Variants in EFEMP1 observed in about 807,000 individuals in gnomAD.
The protein encoded by EFEMP1 is EGF-containing fibulin-like extracellular matrix protein 1.
Under a neutral mutation model 65.7 loss-of-function variants are expected in EFEMP1, and 18 were observed. The ratio of observed to expected loss-of-function variants is 0.27; its 90% CI spans 0.19 to 0.41. The LOEUF (loss-of-function observed/expected upper bound fraction) is 0.41, where lower values mean the gene tolerates loss of function less well. Among genes scored for constraint, EFEMP1 ranks in the 10% least tolerant of loss-of-function variants. EFEMP1 has a pLI of 1.00. For synonymous variants in EFEMP1, 237 were observed against 219.7 expected, an observed-to-expected ratio of 1.08 and a Z score of -0.70; for missense variants, 469 against 624.8, an observed-to-expected ratio of 0.75 and a Z score of 2.66.
rs1261963723 is a variant in EFEMP1 at position 55,886,152 on chromosome 2, A to G, written c.518-4418T>C. Reference sequence around the variant, plus strand: ...ATGCACTAGTAATAGGACAAAGAAGACTGAAATTATTTTGAATCTGTCACT... The same window carrying G: ...ATGCACTAGTAATAGGACAAAGAAGGCTGAAATTATTTTGAATCTGTCACT... On this transcript the variant is annotated intron_variant, in intron 5 of 11. Coordinates refer to ENST00000355426, the MANE Select transcript of EFEMP1 (RefSeq NM_001039348.3). The surrounding 1 kb of genome is among the most constrained non-coding windows in gnomAD (Gnocchi z 4.0). Among the ~76,000 whole-genome samples the G allele has an allele frequency of 1.3e-5, 2 of 152,196 alleles. No individual in the cohort carries two copies. Among genetic ancestry groups the G allele is most frequent in the African/African-American group, 2.4e-5 (1 of 41,448 alleles).
At chr2:55,918,476 C>T (rs1430792058) in intron 3 of EFEMP1, among the ~76,000 whole-genome samples, 1 of 152,112 alleles carries the variant, frequency 6.6e-6, no homozygotes, top group East Asian at 1.9e-4. Context: ...CCATTCTCAA[C>T]CATCAGCTGC....
Position 55,870,599 on chromosome 2 carries a change from T to C in EFEMP1, c.1320+121A>G. Reference sequence around the variant, plus strand: ...GAAGGCCTTACACAATGCCTACACATAAGACACTTTAAATGTTTGCTTTCC... The same window carrying C: ...GAAGGCCTTACACAATGCCTACACACAAGACACTTTAAATGTTTGCTTTCC... On this transcript the variant is annotated intron_variant, in intron 11 of 11. Transcript: ENST00000355426. This position sits in a 1 kb window ranked among gnomAD's most constrained non-coding sequence, Gnocchi z 5.8. 1 of 1,232,402 alleles carries C rather than the reference T, an allele frequency of 8.1e-7. No homozygotes were observed. Among genetic ancestry groups the C allele is most frequent in the Non-Finnish European group, 1.2e-6 (1 of 852,866 alleles). The allele number at this position is 1,232,402 out of a possible 1,614,324, so 76.3% of individuals were successfully genotyped here.
intron 8 of EFEMP1, 130 bp downstream of exon 8, chr2:55,876,493 C>T (rs1669039937): frequency 7.4e-7 from 1 of 1,355,858 alleles, no homozygotes. Context: ...AACTGAACTA[C>T]ATTAACTGGA....
chr2:55,903,876 T>A (rs1374820963), intron 5 of EFEMP1, among the ~76,000 whole-genome samples: 1 of 152,154 alleles, frequency 6.6e-6, no homozygotes, highest in East Asian at 1.9e-4. Context: ...CTACTTTTGA[T>A]TGGTATAGTC....
In EFEMP1 at chr2:55,917,843, C is replaced by A. The variant is rs200070678; in HGVS notation, c.339G>T (p.Leu113Phe). ...AASSMATSGV[L>F]PGGGFVASAA... Reference sequence around the variant, plus strand: ...CACTGGCCACAAAACCACCCCCGGGCAACACTCCACTGGTTGCCATGCTGC... The same window carrying A: ...CACTGGCCACAAAACCACCCCCGGGAAACACTCCACTGGTTGCCATGCTGC... Residue 113 changes from leucine (L) to phenylalanine (F), a missense_variant, in exon 5 of 12, where the codon TTG becomes TTT. By Grantham distance (22) the Leu-to-Phe change is conservative (BLOSUM62 0). This residue lies in a region of EFEMP1 where 399 missense variants were observed against 528.2 expected (regional missense o/e 0.76). Coordinates refer to ENST00000355426, the MANE Select transcript of EFEMP1 (RefSeq NM_001039348.3). The surrounding 1 kb of genome is among the most constrained non-coding windows in gnomAD (Gnocchi z 6.3). The A allele has an allele frequency of 4.3e-6, 7 of 1,614,134 alleles. No individual in the cohort carries two copies. Among genetic ancestry groups the A allele is most frequent in the African/African-American group, 1.3e-5 (1 of 74,944 alleles).
chr2:55,904,052 G>C (rs564982451), intron 5 of EFEMP1, among the ~76,000 whole-genome samples: 89 of 152,158 alleles, frequency 5.8e-4, no homozygotes, highest in African/African-American at 2.1e-3. Flanking sequence ...TGTTTGCTCC[G>C]TTTTTGCTTT....
chr2:55,914,959 G>T (rs1246492549), intron 5 of EFEMP1, among the ~76,000 whole-genome samples: 2 of 152,186 alleles, frequency 1.3e-5, no homozygotes, highest in African/African-American at 2.4e-5. Flanking sequence ...TCATACATCT[G>T]CAGGCAATTA....
intron 5 of EFEMP1, among the ~76,000 whole-genome samples, chr2:55,894,235 A>G (rs1669732777): frequency 6.6e-6 from 1 of 152,248 alleles, no homozygotes; most frequent in African/African-American, 2.4e-5. Context: ...AGTTCTAGCT[A>G]TGAAAAAGAT....
intron 5 of EFEMP1, among the ~76,000 whole-genome samples, chr2:55,914,512 T>C (rs1271706749): frequency 6.6e-6 from 1 of 152,204 alleles, no homozygotes; most frequent in African/African-American, 2.4e-5. Context: ...TCTAGTGGTA[T>C]TATTTAAATT....
rs970259489 is a variant in EFEMP1 at position 55,866,965 on chromosome 2, C to T, written c.*108G>A. The T allele has an allele frequency of 7.3e-7, 1 of 1,363,344 alleles. No individual in the cohort carries two copies. The highest frequency in any genetic ancestry group is 1.0e-6 in the Non-Finnish European group (1 of 964,530). 84.5% of individuals were successfully genotyped at this position (1,363,344 alleles called of 1,614,324 possible). A position where few individuals can be genotyped will look rare whatever the true frequency, so the allele number is the denominator to read the frequency against. On this transcript the variant is annotated 3_prime_UTR_variant, in exon 12 of 12. Coordinates refer to ENST00000355426, the MANE Select transcript of EFEMP1 (RefSeq NM_001039348.3). ...ATTGTTTGAATTATGGGTGAGTGTA[C>T]AGTATAGAGATGTAGATGCACTAGA...
At chr2:55,889,896 G>A (rs977654711) in intron 5 of EFEMP1, among the ~76,000 whole-genome samples, 1 of 151,378 alleles carries the variant, frequency 6.6e-6, no homozygotes, top group Admixed American at 6.6e-5. Flanking sequence ...CATCAATTTA[G>A]GAAGAAGGTA....
chr2:55,918,100 C>G (rs1670774478), intron 4 of EFEMP1, 49 bp from the exon 5 acceptor site: 2 of 1,613,826 alleles, frequency 1.2e-6, no homozygotes, highest in African/African-American at 1.3e-5. Context: ...AGGGAAAAAT[C>G]AAACATGTAA....
chr2:55,913,604 C>CTTT (rs5831387), intron 5 of EFEMP1, among the ~76,000 whole-genome samples: 1 of 147,518 alleles, frequency 6.8e-6, no homozygotes, highest in South Asian at 2.1e-4. Context: ...TCCCAAATGA[C>CTTT]TTTTTTTTTT....
Position 55,917,809 on chromosome 2 carries a change from C to G in EFEMP1, c.373G>C (p.Val125Leu). ...CCAGTCTGCATTTCAGGGCCTGCGA[C>G]TGCAGCAGCACTGGCCACAAAACCA... ...GGGFVASAAA[V>L]AGPEMQTGRN... Residue 125 changes from valine (V) to leucine (L), a missense_variant, in exon 5 of 12, where the codon GTC (valine) becomes CTC (leucine). Coordinates refer to ENST00000355426, the MANE Select transcript of EFEMP1 (RefSeq NM_001039348.3). The surrounding 1 kb of genome is among the most constrained non-coding windows in gnomAD (Gnocchi z 6.3). The G allele has an allele frequency of 6.2e-7, 1 of 1,614,242 alleles. No homozygotes were observed. The highest frequency in any genetic ancestry group is 1.1e-5 in the South Asian group (1 of 91,088).
intron 5 of EFEMP1, among the ~76,000 whole-genome samples, chr2:55,904,775 G>A (rs72809700): frequency 1.1e-4 from 16 of 152,164 alleles, no homozygotes; most frequent in Non-Finnish European, 1.8e-4. Flanking sequence ...TTGTTTTCCA[G>A]CTTGTAGACA....
intron 5 of EFEMP1, among the ~76,000 whole-genome samples, chr2:55,903,027 T>C (rs755126621): frequency 6.6e-6 from 1 of 152,208 alleles, no homozygotes; most frequent in Admixed American, 6.5e-5. Flanking sequence ...TTAATTTTAA[T>C]AGCTGAGAAA....
Position 55,923,093 on chromosome 2 carries a change from A to C in EFEMP1, c.-48-154T>G, listed in dbSNP as rs1333827850. ...CTCACATCCCCCAGCACAAACTCTC[A>C]AAGTGGCATTTCCACGCCTTTCTCT... is the stretch of plus-strand genomic sequence containing the variant. On this transcript the variant is annotated intron_variant, in intron 1 of 11. Coordinates refer to ENST00000355426, the MANE Select transcript of EFEMP1 (RefSeq NM_001039348.3). The surrounding 1 kb of genome is among the most constrained non-coding windows in gnomAD (Gnocchi z 5.3). Among the ~76,000 whole-genome samples, 5 of 152,176 alleles carry C rather than the reference A, an allele frequency of 3.3e-5. No individual in the cohort carries two copies. The highest frequency in any genetic ancestry group is 7.3e-5 in the Non-Finnish European group (5 of 68,028).
intron 3 of EFEMP1, 141 bp from the exon 4 acceptor site, chr2:55,918,408 A>G: frequency 1.0e-6 from 1 of 1,000,890 alleles, no homozygotes; most frequent in South Asian, 1.3e-5. Context: ...TGGGTGGTTT[A>G]ACATTCTATC....
At chr2:55,881,557 T>A (rs56237919) in intron 6 of EFEMP1, 55 bp downstream of exon 6, 42,002 of 1,610,246 alleles carry the variant, frequency 0.026, 947 homozygotes, top group South Asian at 0.084. Context: ...TGCTTGAGGT[T>A]GAAACAGTTA....
Sources: gnomAD v4.1 joint callset for allele counts (sites outside exome capture counted in the v4.1 genomes callset) on GRCh38, gnomAD v4.1.1 for gene constraint, gnomAD v4.1.1 regional missense constraint, Gnocchi (gnomAD v3.1) non-coding constraint, MANE v1.5 for transcripts, NCBI Gene and HGNC (gene_info 2026-07-23, HGNC 2026-07-21) for gene names.